The following ZFHX3 variants were observed in gnomAD, a reference collection of about 807,000 sequenced individuals.
The protein encoded by ZFHX3 is zinc finger homeobox 3, also known as zinc finger homeobox protein 3.
Under a neutral mutation model 279.1 loss-of-function variants are expected in ZFHX3, and 42 were observed. That is an observed-to-expected ratio of 0.15 (90% CI 0.12 to 0.19). ZFHX3 has a LOEUF of 0.19. Among genes scored for constraint, ZFHX3 ranks in the 10% least tolerant of loss-of-function variants. The pLI, the probability that ZFHX3 is intolerant of heterozygous loss-of-function variation, is 1.00. For missense variants in ZFHX3, 4,981 were observed against 4,754.0 expected, an observed-to-expected ratio of 1.05 and a Z score of -1.40; for synonymous variants, 2,293 against 1,957.8, an observed-to-expected ratio of 1.17 and a Z score of -4.52.
chr16:73,332,372 G>A (rs2015821668), intron 3 of ZFHX3, among the ~76,000 whole-genome samples: 1 of 152,202 alleles, frequency 6.6e-6, no homozygotes, highest in South Asian at 2.1e-4. Flanking sequence ...CAGTGTAGGG[G>A]CCTGAGCTGC....
At chr16:72,904,435 A>T (rs1201997131) in intron 3 of ZFHX3, among the ~76,000 whole-genome samples, 1 of 152,028 alleles carries the variant, frequency 6.6e-6, no homozygotes, top group East Asian at 1.9e-4. Context: ...TTGTGGGCTG[A>T]AAGTTTGAAC....
intron 3 of ZFHX3, among the ~76,000 whole-genome samples, chr16:72,912,272 G>C (rs1310725488): frequency 6.6e-6 from 1 of 152,166 alleles, no homozygotes; most frequent in Non-Finnish European, 1.5e-5. Flanking sequence ...TAATTATCTT[G>C]AAAGGAGAGG....
chr16:73,158,300 A>G (rs1967145517), intron 5 of ZFHX3, among the ~76,000 whole-genome samples: 1 of 152,114 alleles, frequency 6.6e-6, no homozygotes. Context: ...TTTTTTCAAG[A>G]CAAGTAATGA....
At chr16:73,610,293 G>T (rs1197821700) in intron 2 of ZFHX3, among the ~76,000 whole-genome samples, 6 of 152,130 alleles carry the variant, frequency 3.9e-5, no homozygotes, top group Non-Finnish European at 7.3e-5. Context: ...AAAATCTGAC[G>T]CAATCACTCA....
rs941013170 is a variant in ZFHX3, at chr16:73,172,192, C to T, written c.-1103-28361G>A. Among the ~76,000 whole-genome samples, 43 of 152,308 alleles carry T rather than the reference C, an allele frequency of 2.8e-4. 1 individual carries two copies. The highest frequency in any genetic ancestry group is 1.8e-3 in the Admixed American group (27 of 15,304). On this transcript the variant is annotated intron_variant, in intron 5 of 17. Transcript: ENST00000641206. ...GGTTATGGACACTCTGAGTGACACC[C>T]GAGCCCAAGCCTCCAACAGCAAGTC... is the stretch of plus-strand genomic sequence containing the variant.
intron 1 of ZFHX3, among the ~76,000 whole-genome samples, chr16:73,802,192 A>G (rs1312610243): frequency 2.0e-5 from 3 of 152,158 alleles, no homozygotes; most frequent in African/African-American, 7.2e-5. Flanking sequence ...GATTCTTCAT[A>G]AAACCCCACT....
chr16:73,646,454 AAAGAG>A (rs143366847), intron 2 of ZFHX3, among the ~76,000 whole-genome samples: 177 of 152,308 alleles, frequency 1.2e-3, no homozygotes, highest in African/African-American at 3.4e-3. Flanking sequence ...AAAAAGATAG[AAAGAG>A]AAGAGAAAAC....
intron 3 of ZFHX3, among the ~76,000 whole-genome samples, chr16:73,334,810 C>CCTTT (rs1555510772): frequency 0.027 from 1,549 of 57,894 alleles, 152 homozygotes; most frequent in East Asian, 0.089. Flanking sequence ...CTTTCTCATT[C>CCTTT]TTTTTTTTTT....
intron 3 of ZFHX3, among the ~76,000 whole-genome samples, chr16:72,934,073 C>G (rs764089592): frequency 6.6e-6 from 1 of 152,140 alleles, no homozygotes; most frequent in East Asian, 1.9e-4. Context: ...CTATCTCAGC[C>G]TCCCAAAGTG....
intron 1 of ZFHX3, among the ~76,000 whole-genome samples, chr16:73,887,663 A>T (rs2030392084): frequency 6.6e-6 from 1 of 152,142 alleles, no homozygotes; most frequent in East Asian, 1.9e-4. Context: ...ATTTAAAAAA[A>T]ATACACAGGT....
intron 5 of ZFHX3, among the ~76,000 whole-genome samples, chr16:73,231,373 C>A (rs1003157341): frequency 2.0e-5 from 3 of 152,190 alleles, no homozygotes; most frequent in Non-Finnish European, 4.4e-5. Context: ...AAGTGCAATT[C>A]AGGGAGCTTA....
intron 2 of ZFHX3, among the ~76,000 whole-genome samples, chr16:73,595,090 C>G (rs1181996925): frequency 6.6e-6 from 1 of 152,164 alleles, no homozygotes; most frequent in Non-Finnish European, 1.5e-5. Context: ...AAATGTTACA[C>G]AGGATGCTTT....
chr16:73,755,953 C>G (rs977604556), intron 1 of ZFHX3, among the ~76,000 whole-genome samples: 1 of 152,182 alleles, frequency 6.6e-6, no homozygotes, highest in African/African-American at 2.4e-5. Context: ...CCTGTTGGGT[C>G]CTGATAGCAC....
chr16:73,454,395 C>T (rs529322886), intron 3 of ZFHX3, among the ~76,000 whole-genome samples: 1 of 152,196 alleles, frequency 6.6e-6, no homozygotes, highest in Admixed American at 6.5e-5. Flanking sequence ...AAATTTTGAA[C>T]CTGATGCCGA....
chr16:73,701,411 T>G (rs1257370023), intron 1 of ZFHX3, among the ~76,000 whole-genome samples: 4 of 152,218 alleles, frequency 2.6e-5, no homozygotes, highest in Non-Finnish European at 5.9e-5. Context: ...TCAAAATTCC[T>G]GTACCATGTT....
intron 7 of ZFHX3, among the ~76,000 whole-genome samples, chr16:73,107,858 T>A (rs62052384): frequency 2.6e-5 from 4 of 151,938 alleles, no homozygotes. Flanking sequence ...CTACAGAAAA[T>A]TTTAAAAATT....
chr16:72,954,400 C>A (rs900400966), intron 2 of ZFHX3, among the ~76,000 whole-genome samples: 3 of 152,106 alleles, frequency 2.0e-5, no homozygotes, highest in Non-Finnish European at 4.4e-5. Flanking sequence ...AAGAACTTGG[C>A]AGGTCCTTAG....
intron 3 of ZFHX3, among the ~76,000 whole-genome samples, chr16:72,890,167 C>T (rs944782321): frequency 3.3e-5 from 5 of 152,198 alleles, no homozygotes; most frequent in South Asian, 2.1e-4. Context: ...GTAATCCCCA[C>T]GTGTTGGGGA....
chr16:73,640,876 C>T (rs915813356), intron 2 of ZFHX3, among the ~76,000 whole-genome samples: 6 of 152,104 alleles, frequency 3.9e-5, no homozygotes, highest in Non-Finnish European at 7.3e-5. Flanking sequence ...CGCAAACAGA[C>T]CCACATGAAG....
Sources: allele counts gnomAD v4.1 joint callset (sites outside exome capture counted in the v4.1 genomes callset), GRCh38; gene constraint gnomAD v4.1.1; transcripts MANE v1.5; gene names NCBI Gene and HGNC (gene_info 2026-07-23, HGNC 2026-07-21).